The following ARHGEF2 variants were observed in gnomAD, a reference collection of about 807,000 sequenced individuals.
ARHGEF2 encodes the protein rho guanine nucleotide exchange factor 2.
ARHGEF2 carries 22 observed loss-of-function variants against 121.0 expected under a neutral mutation model. The observed-to-expected ratio is 0.18, with a 90% confidence interval of 0.13 to 0.26. The LOEUF (loss-of-function observed/expected upper bound fraction) is 0.26, where lower values mean the gene tolerates loss of function less well. Ranked by LOEUF, ARHGEF2 falls within the 10% of genes least tolerant of loss-of-function variation. ARHGEF2 has a pLI of 1.00. For missense variants in ARHGEF2, 907 were observed against 1,336.0 expected, an observed-to-expected ratio of 0.68 and a Z score of 5.01; for synonymous variants, 487 against 530.0, an observed-to-expected ratio of 0.92 and a Z score of 1.11.
chr1:155,951,747 C>A lies in ARHGEF2; in HGVS notation c.2202G>T (p.Pro734=), dbSNP rs77345976. The A allele has an allele frequency of 2.3e-3, 3,754 of 1,614,032 alleles. 86 individuals are homozygous for A. In the African/African-American group the frequency reaches 0.044, roughly 19 times the overall value. ...RDRNGNQLRS[P]QEEALQRLVN... ...CCATCAATTCCCATCTCACCTCTTG[C>A]GGTGATCTCAGCTGATTTCCATTTC... Residue 734 remains proline (P), a synonymous_variant, in exon 18 of 22, where the codon CCG becomes CCT. Coordinates refer to ENST00000361247, the MANE Select transcript of ARHGEF2 (RefSeq NM_001162383.2). This position sits in a 1 kb window ranked among gnomAD's most constrained non-coding sequence, Gnocchi z 5.1.
chr1:155,955,042 T>C, intron 13 of ARHGEF2, 73 bp from the exon 14 acceptor site: 1 of 1,250,588 alleles, frequency 8.0e-7, no homozygotes, highest in Non-Finnish European at 1.2e-6. Flanking sequence ...CCTTCCCTCC[T>C]TCCCAAACAT....
In ARHGEF2 at chr1:155,950,886, A is replaced by G. The variant is rs1447474751; in HGVS notation, c.2646T>C (p.Pro882=). 6.4e-7 allele frequency: 1 copy of G among 1,566,310 alleles called. No homozygotes were observed. Among genetic ancestry groups the G allele is most frequent in the African/African-American group, 1.4e-5 (1 of 73,286 alleles). Reference sequence around the variant, plus strand: ...CGCCTGCGGGGAGGCTGCGCCGCCGAGGATCCACAGGTCTGCGGGCCCAGG... The same window carrying G: ...CGCCTGCGGGGAGGCTGCGCCGCCGGGGATCCACAGGTCTGCGGGCCCAGG... ...EAPWARRPVD[P]RRRSLPAGDA... is the part of the protein sequence containing the mutation. The change falls in exon 20 of 22, where the codon CCT becomes CCC. Residue 882 remains proline, a synonymous_variant. Transcript: ENST00000361247. The surrounding 1 kb of genome is among the most constrained non-coding windows in gnomAD (Gnocchi z 5.2).
Position 155,952,200 on chromosome 1 carries a change from C to A in ARHGEF2, c.2020G>T (p.Val674Leu), listed in dbSNP as rs750519721. The A allele has an allele frequency of 3.1e-6, 5 of 1,614,064 alleles. No homozygotes were observed. In the African/African-American group the frequency reaches 6.7e-5, roughly 22 times the overall value. Residue 674 changes from valine to leucine, a missense_variant, in exon 16 of 22, where the codon GTG (valine) becomes TTG (leucine). By Grantham distance (32) the Val-to-Leu change is conservative. This residue lies in a region of ARHGEF2 where 432 missense variants were observed against 559.5 expected (regional missense o/e 0.77). Transcript: ENST00000361247. ...GLKDLLVGPG[V>L]ELLLTPREPA... ...TCTCGGGGTGTCAAGAGCAGTTCCA[C>A]TCCTGGCCCCACCAGCAGGTCTTTC...
intron 1 of ARHGEF2, among the ~76,000 whole-genome samples, chr1:155,977,587 A>T (rs1377235142): frequency 2.0e-5 from 3 of 152,014 alleles, no homozygotes; most frequent in Admixed American, 2.0e-4. Flanking sequence ...TCAGGTTGGG[A>T]GAAGGAAGAG....
rs756398613 is a variant in ARHGEF2 at position 155,952,607 on chromosome 1, C to A, written c.1984+21G>T. On this transcript the variant is annotated intron_variant, in intron 15 of 21. Transcript: ENST00000361247. Reference sequence around the variant, plus strand: ...GACGGTGAGTGCTTGAGCCTGGACTCTTCCCTGGGAGCTCCCTCACCCTCA... The same window carrying A: ...GACGGTGAGTGCTTGAGCCTGGACTATTCCCTGGGAGCTCCCTCACCCTCA... 1.8e-5 allele frequency: 29 copies of A among 1,599,722 alleles called. No individual in the cohort carries two copies. The South Asian group carries it at 2.1e-4, about 12-fold the overall frequency.
intron 1 of ARHGEF2, chr1:155,971,188 T>G: frequency 1.2e-6 from 1 of 859,014 alleles, no homozygotes; most frequent in African/African-American, 1.8e-5. Flanking sequence ...TCTGGCCTCC[T>G]TTTTTCTATT....
At position 155,951,184 on chromosome 1, in the gene ARHGEF2, C is replaced by G. The variant is rs776739832; in HGVS notation, c.2348G>C (p.Arg783Pro). The G allele has an allele frequency of 1.2e-6, 2 of 1,607,610 alleles. No homozygotes were observed. The highest frequency in any genetic ancestry group is 8.5e-7 in the Non-Finnish European group (1 of 1,178,320). The change falls in exon 20 of 22, where the codon CGG becomes CCG. Residue 783 changes from arginine (R) to proline (P), a missense_variant. Around this residue, in one of 2 missense-constraint regions of ARHGEF2, gnomAD observed 432 missense variants for 559.5 expected, o/e 0.77. Coordinates refer to ENST00000361247, the MANE Select transcript of ARHGEF2 (RefSeq NM_001162383.2). The surrounding 1 kb of genome is among the most constrained non-coding windows in gnomAD (Gnocchi z 5.1). ...RREKLCRANS[R>P]DGEAGRAGAA... is the part of the protein sequence containing the mutation. ...CCCAGCCCTGCCAGCCTCCCCATCC[C>G]GAGAGTTGGCTCGGCACAGCTTCTC...
Position 155,962,515 on chromosome 1 carries a change from A to C in ARHGEF2, c.1101+78T>G. The stretch of plus-strand genomic sequence containing the variant: ...GAATGCCTGACCTCCATGTGGGTGC[A>C]GCTCACAGGCACTACCCCCATGAGT... On this transcript the variant is annotated intron_variant, in intron 9 of 21. Coordinates refer to ENST00000361247, the MANE Select transcript of ARHGEF2 (RefSeq NM_001162383.2). This position sits in a 1 kb window ranked among gnomAD's most constrained non-coding sequence, Gnocchi z 5.8. The C allele has an allele frequency of 6.3e-7, 1 of 1,578,834 alleles. No individual in the cohort carries two copies. Among genetic ancestry groups the C allele is most frequent in the Admixed American group, 1.7e-5 (1 of 57,268 alleles).
rs765954872 is a variant in ARHGEF2 at position 155,950,379 on chromosome 1, C to T, written c.2807G>A (p.Arg936Gln). The change falls in exon 21 of 22, where the codon CGG becomes CAG. Residue 936 changes from arginine (R) to glutamine (Q), a missense_variant. By Grantham distance (43) the Arg-to-Gln change is conservative. Coordinates refer to ENST00000361247, the MANE Select transcript of ARHGEF2 (RefSeq NM_001162383.2). This position sits in a 1 kb window ranked among gnomAD's most constrained non-coding sequence, Gnocchi z 5.2. The part of the protein sequence containing the change: ...ERQELGSPEE[R>Q]LQDSSDPDTG... ...GTCAGGGTCACTGCTGTCTTGCAGCCGCTCTTCGGGGCTCCCCAGTTCCTG... is the reference window on the plus strand; with the variant it reads ...GTCAGGGTCACTGCTGTCTTGCAGCTGCTCTTCGGGGCTCCCCAGTTCCTG... 1.7e-5 allele frequency: 27 copies of T among 1,613,912 alleles called. No homozygotes were observed. The highest frequency in any genetic ancestry group is 6.7e-5 in the African/African-American group (5 of 74,934).
In ARHGEF2 at chr1:155,965,031, C is replaced by G. The variant is rs1679081439; in HGVS notation, c.681G>C (p.Gln227His). 1.2e-6 allele frequency: 2 copies of G among 1,614,028 alleles called. No homozygotes were observed. The highest frequency in any genetic ancestry group is 2.7e-5 in the African/African-American group (2 of 74,908). The change falls in exon 7 of 22, where the codon CAG (glutamine) becomes CAC (histidine). Residue 227 changes from glutamine to histidine, a missense_variant. Physicochemically the swap from Gln to His is conservative, Grantham distance 24. Coordinates refer to ENST00000361247, the MANE Select transcript of ARHGEF2 (RefSeq NM_001162383.2). This position sits in a 1 kb window ranked among gnomAD's most constrained non-coding sequence, Gnocchi z 6.0. ...WSLAVDSSFL[Q>H]QHKKEVMKQQ... ...GCTTCATCACCTCCTTTTTATGCTGCTGCAGGAAGCTGCTGTCCACAGCAA... is the reference window on the plus strand; with the variant it reads ...GCTTCATCACCTCCTTTTTATGCTGGTGCAGGAAGCTGCTGTCCACAGCAA...
chr1:155,976,019 G>A (rs912079212), intron 1 of ARHGEF2, among the ~76,000 whole-genome samples: 1 of 152,006 alleles, frequency 6.6e-6, no homozygotes, highest in African/African-American at 2.4e-5. Flanking sequence ...GCTACACAGA[G>A]AGATCCTGTG....
At chr1:155,972,454 C>T (rs888838062) in intron 1 of ARHGEF2, 3 of 359,062 alleles carry the variant, frequency 8.4e-6, no homozygotes, top group South Asian at 3.9e-5. Context: ...ACCAGGGGTG[C>T]CTGCTCCAGA....
chr1:155,978,847 C>G (rs1378605875), upstream of ARHGEF2: 1 of 983,218 alleles, frequency 1.0e-6, no homozygotes, highest in Non-Finnish European at 1.2e-6. This position sits in a 1 kb window ranked among gnomAD's most constrained non-coding sequence, Gnocchi z 4.1. Context: ...TTGGCCCTTT[C>G]CCCTCTGCCC....
rs567520599 is a variant in ARHGEF2, at chr1:155,947,927, G to T, written c.*15C>A. On this transcript the variant is annotated 3_prime_UTR_variant, in exon 22 of 22. Transcript: ENST00000361247. Reference sequence around the variant, plus strand: ...TGTTCTTCAGTGGGGCACGGGGCAGGGGGGAGGGGCCCCCTTAGCTCTCGG... The same window carrying T: ...TGTTCTTCAGTGGGGCACGGGGCAGTGGGGAGGGGCCCCCTTAGCTCTCGG... 7 of 1,538,850 alleles carry T rather than the reference G, an allele frequency of 4.5e-6. No homozygotes were observed. The highest frequency in any genetic ancestry group is 2.4e-5 in the South Asian group (2 of 83,572).
rs2102648114 is a variant in ARHGEF2 at position 155,957,605 on chromosome 1, C to T, written c.1715+108G>A. 5 of 1,312,562 alleles carry T rather than the reference C, an allele frequency of 3.8e-6. No homozygotes were observed. The South Asian group carries it at 5.9e-5, about 15-fold the overall frequency. The allele number at this position is 1,312,562 out of a possible 1,614,324, so 81.3% of individuals were successfully genotyped here. ...TTTTGTCTCTCCCTCAACCTCTTCCCCCACCTCTGAATGCTGGATTCTGTT... is the reference window on the plus strand; with the variant it reads ...TTTTGTCTCTCCCTCAACCTCTTCCTCCACCTCTGAATGCTGGATTCTGTT... On this transcript the variant is annotated intron_variant, in intron 13 of 21. Transcript: ENST00000361247.
At chr1:155,949,694 T>C (rs1353398844) in intron 21 of ARHGEF2, among the ~76,000 whole-genome samples, 4 of 150,800 alleles carry the variant, frequency 2.7e-5, no homozygotes, top group South Asian at 4.3e-4. Context: ...CTGGCCAACA[T>C]AGTGAAACCC....
intron 13 of ARHGEF2, among the ~76,000 whole-genome samples, chr1:155,956,589 G>A (rs1371843246): frequency 4.6e-5 from 7 of 152,026 alleles, no homozygotes; most frequent in African/African-American, 1.7e-4. Flanking sequence ...TGGAGGCTGA[G>A]GTGGGCGGAT....
intron 3 of ARHGEF2, 114 bp from the exon 4 acceptor site, chr1:155,966,593 T>A: frequency 8.2e-7 from 1 of 1,214,046 alleles, no homozygotes; most frequent in Non-Finnish European, 1.2e-6. Flanking sequence ...AAGCTGGCAC[T>A]ATGGTTAAGG....
At position 155,969,953 on chromosome 1, in the gene ARHGEF2, C is replaced by T. The variant is rs1009799591; in HGVS notation, c.64-653G>A. ...CACACAGGGCCTGTCTGGGAGGCAG[C>T]ATGTCCCCTACTAACCTTGAGGCAA... On this transcript the variant is annotated intron_variant, in intron 1 of 21. Transcript: ENST00000361247. The T allele has an allele frequency of 2.3e-5, 23 of 985,434 alleles. No homozygotes were observed. The African/African-American group carries it at 3.3e-4, about 14-fold the overall frequency. The allele number at this position is 985,434 out of a possible 1,614,324, so 61.0% of individuals were successfully genotyped here. A position where few individuals can be genotyped will look rare whatever the true frequency, so the allele number is the denominator to read the frequency against.
Sources: gnomAD v4.1 joint callset for allele counts (sites outside exome capture counted in the v4.1 genomes callset) on GRCh38, gnomAD v4.1.1 for gene constraint, gnomAD v4.1.1 regional missense constraint, Gnocchi (gnomAD v3.1) non-coding constraint, MANE v1.5 for transcripts, NCBI Gene and HGNC (gene_info 2026-07-23, HGNC 2026-07-21) for gene names.